The following MELTF variants were observed in gnomAD, a reference collection of about 807,000 sequenced individuals.
MELTF encodes melanotransferrin.
MELTF carries 67 observed loss-of-function variants against 83.7 expected under a neutral mutation model. The observed-to-expected ratio is 0.80, with a 90% CI of 0.66 to 0.98. The LOEUF is 0.98. Ranked by LOEUF, MELTF falls within the 50% of genes least tolerant of loss-of-function variation. MELTF has a pLI of 0.00. For missense variants in MELTF, 1,002 were observed against 1,035.6 expected, an observed-to-expected ratio of 0.97 and a Z score of 0.44; for synonymous variants, 462 against 447.6, an observed-to-expected ratio of 1.03 and a Z score of -0.41.
chr3:197,017,415 A>G, intron 6 of MELTF, 125 bp from the exon 7 acceptor site: 1 of 876,158 alleles, frequency 1.1e-6, no homozygotes, highest in Non-Finnish European at 1.7e-6. Context: ...CAGCATTCAG[A>G]AGGTGGCAGA....
At chr3:197,026,842 G>A in intron 2 of MELTF, 83 bp from the exon 3 acceptor site, 1 of 1,287,396 alleles carries the variant, frequency 7.8e-7, no homozygotes, top group South Asian at 1.2e-5. Context: ...GATGGCCTGG[G>A]GCCCCACCCC....
chr3:197,023,153 C>T, intron 4 of MELTF, 40 bp from the exon 5 acceptor site: 1 of 1,609,504 alleles, frequency 6.2e-7, no homozygotes, highest in Non-Finnish European at 8.5e-7. Context: ...GCAGAACTTT[C>T]TTCAGAGCCA....
Position 197,017,298 on chromosome 3 carries a change from G to A in MELTF, c.713-8C>T. ...AGGAGGGAAGCGTCTTCCCTGGGAA[G>A]CAGGAAGCCTGGGCTGAGCCAGCTC... On this transcript the variant is annotated splice_region_variant and splice_polypyrimidine_tract_variant and intron_variant, in intron 6 of 15. Coordinates refer to ENST00000296350, the MANE Select transcript of MELTF (RefSeq NM_005929.6). 1 of 1,528,790 alleles carries A rather than the reference G, an allele frequency of 6.5e-7. No individual in the cohort carries two copies. The highest frequency in any genetic ancestry group is 8.8e-7 in the Non-Finnish European group (1 of 1,134,782). 94.7% of individuals were successfully genotyped at this position (1,528,790 alleles called of 1,614,324 possible).
chr3:197,024,202 G>A lies in MELTF; in HGVS notation c.487+101C>T. 2.3e-6 allele frequency: 3 copies of A among 1,298,400 alleles called. No individual in the cohort carries two copies. The highest frequency in any genetic ancestry group is 2.1e-6 in the Non-Finnish European group (2 of 944,534). 80.4% of individuals were successfully genotyped at this position (1,298,400 alleles called of 1,614,324 possible). ...CTGCGCCTTCCAGGAATGAAGAATG[G>A]TGGCGAGGCCGGAGGGAGGCTACCC... On this transcript the variant is annotated intron_variant, in intron 4 of 15. Transcript: ENST00000296350. This position sits in a 1 kb window ranked among gnomAD's most constrained non-coding sequence, Gnocchi z 5.3.
chr3:197,017,916 C>CTAAGAGT (rs1719460302), intron 6 of MELTF, among the ~76,000 whole-genome samples: 1 of 152,074 alleles, frequency 6.6e-6, no homozygotes, highest in Non-Finnish European at 1.5e-5. Context: ...GATGAATGTA[C>CTAAGAGT]CAAGAGTCTA....
Position 197,015,496 on chromosome 3 carries a change from AG to A in MELTF, c.1101del (p.Trp368GlyfsTer51). On this transcript the variant is annotated frameshift_variant, in exon 9 of 16. Transcript: ENST00000296350. LOFTEE classifies it high-confidence loss of function. ...ATCTCGGGAGTGGAGAGCACACACCAGCGCAGGTAGGGGGGCAGCCCTGGGG... is the reference window on the plus strand; with the variant it reads ...ATCTCGGGAGTGGAGAGCACACACCACGCAGGTAGGGGGGCAGCCCTGGGG... ...CDPNRLPPYL[R>X]WCVLSTPEIQ... 8.1e-6 allele frequency: 13 copies of A among 1,611,498 alleles called. No individual in the cohort carries two copies. The highest frequency in any genetic ancestry group is 1.1e-5 in the Non-Finnish European group (13 of 1,179,090).
chr3:197,006,411 C>T lies in MELTF; in HGVS notation c.1938+138G>A, dbSNP rs1207761401. On this transcript the variant is annotated intron_variant, in intron 14 of 15. Coordinates refer to ENST00000296350, the MANE Select transcript of MELTF (RefSeq NM_005929.6). The surrounding 1 kb of genome is among the most constrained non-coding windows in gnomAD (Gnocchi z 5.4). ...GACAGTTTCTGGAGGGATGTCCTTG[C>T]GTAAGTGAAAATCACAGAATTTCCC... 5.5e-6 allele frequency: 4 copies of T among 723,182 alleles called. No homozygotes were observed. The highest frequency in any genetic ancestry group is 8.6e-6 in the Non-Finnish European group (4 of 464,910). The allele number at this position is 723,182 out of a possible 1,614,324, so 44.8% of individuals were successfully genotyped here.
rs2148596764 is a variant in MELTF, at chr3:197,029,220, A to C, written c.49+434T>G. ...CACCTCCATCCCTGCATGTGCCAGA[A>C]ACCCCCGGGCGGACTCCCGCGCCTG... On this transcript the variant is annotated intron_variant, in intron 1 of 15. Transcript: ENST00000296350. This position sits in a 1 kb window ranked among gnomAD's most constrained non-coding sequence, Gnocchi z 6.5. The C allele has an allele frequency of 6.4e-6, 1 of 156,676 alleles. No individual in the cohort carries two copies. The highest frequency in any genetic ancestry group is 1.4e-5 in the Non-Finnish European group (1 of 71,218). The allele number at this position is 156,676 out of a possible 1,614,324, so 9.7% of individuals were successfully genotyped here.
intron 8 of MELTF, among the ~76,000 whole-genome samples, chr3:197,015,974 C>T (rs985364941): frequency 3.3e-5 from 5 of 152,144 alleles, no homozygotes; most frequent in East Asian, 1.9e-4. Context: ...CATCCTCCCC[C>T]GCTGCGGCCA....
At chr3:197,009,848 T>G (rs779663440) in intron 10 of MELTF, 36 bp from the exon 11 acceptor site, 13 of 1,582,452 alleles carry the variant, frequency 8.2e-6, no homozygotes, top group Non-Finnish European at 1.7e-6. Flanking sequence ...GGGCCCCTCA[T>G]CTGAGAGCCC....
At chr3:197,009,052 C>T in intron 11 of MELTF, 87 bp from the exon 12 acceptor site, 2 of 1,516,890 alleles carry the variant, frequency 1.3e-6, no homozygotes, top group South Asian at 2.4e-5. Context: ...ACAGGTCTGC[C>T]CACCCCCCGG....
chr3:197,027,744 G>A lies in MELTF; in HGVS notation c.204+12C>T, dbSNP rs368904265. ...CCCTCTTGTCTGGCAGGGTGGAAGG[G>A]AGAGGACTCACCGCGATGAGCTGGA... is the stretch of plus-strand genomic sequence containing the variant. On this transcript the variant is annotated intron_variant, in intron 2 of 15. Coordinates refer to ENST00000296350, the MANE Select transcript of MELTF (RefSeq NM_005929.6). 6.2e-7 allele frequency: 1 copy of A among 1,601,736 alleles called. No individual in the cohort carries two copies. The highest frequency in any genetic ancestry group is 2.2e-5 in the East Asian group (1 of 44,452).
At chr3:197,009,969 A>T (rs1286560497) in intron 10 of MELTF, among the ~76,000 whole-genome samples, 157 bp from the exon 11 acceptor site, 3 of 152,218 alleles carry the variant, frequency 2.0e-5, no homozygotes, top group Non-Finnish European at 2.9e-5. Context: ...TTCTGGGAGC[A>T]GGCCCAGCGG....
intron 6 of MELTF, 147 bp downstream of exon 6, chr3:197,021,257 C>T: frequency 1.5e-6 from 1 of 681,890 alleles, no homozygotes; most frequent in Non-Finnish European, 2.5e-6. Context: ...GGCTCGGAGA[C>T]TGTGGGACTT....
At chr3:197,010,967 C>T (rs2148581009) in intron 9 of MELTF, among the ~76,000 whole-genome samples, 173 bp from the exon 10 acceptor site, 1 of 152,308 alleles carries the variant, frequency 6.6e-6, no homozygotes, top group South Asian at 2.1e-4. Context: ...CCCTTCCTCT[C>T]CTTGTGAAGA....
At chr3:197,028,832 C>G (rs1719966584) in intron 1 of MELTF, 1 of 152,788 alleles carries the variant, frequency 6.5e-6, no homozygotes, top group Non-Finnish European at 1.5e-5. Flanking sequence ...GAAACCAGGT[C>G]ACCCTCCCGT....
At position 197,005,645 on chromosome 3, in the gene MELTF, G is replaced by A. The variant is rs186182156; in HGVS notation, c.1938+904C>T. On this transcript the variant is annotated intron_variant, in intron 14 of 15. Transcript: ENST00000296350. Reference sequence around the variant, plus strand: ...GCTGAGGACCTGGGCATCTGCAGGGGAAGGTGTTTCCAGGAGGAGGGAGAG... The same window carrying A: ...GCTGAGGACCTGGGCATCTGCAGGGAAAGGTGTTTCCAGGAGGAGGGAGAG... Among the ~76,000 whole-genome samples, 111 of 152,348 alleles carry A rather than the reference G, an allele frequency of 7.3e-4. 1 individual carries two copies. The highest frequency in any genetic ancestry group is 8.8e-5 in the Non-Finnish European group (6 of 68,032).
At position 197,029,245 on chromosome 3, in the gene MELTF, G is replaced by C. The variant is rs556071567; in HGVS notation, c.49+409C>G. The stretch of plus-strand genomic sequence containing the variant: ...AACCCCCGGGCGGACTCCCGCGCCT[G>C]CCGGTCAGTCCCTCTGAATCTTCTC... On this transcript the variant is annotated intron_variant, in intron 1 of 15. Transcript: ENST00000296350. The surrounding 1 kb of genome is among the most constrained non-coding windows in gnomAD (Gnocchi z 6.5). 73 of 165,754 alleles carry C rather than the reference G, an allele frequency of 4.4e-4. No homozygotes were observed. Among genetic ancestry groups the C allele is most frequent in the African/African-American group, 1.7e-3 (71 of 42,108 alleles). 10.3% of individuals were successfully genotyped at this position (165,754 alleles called of 1,614,324 possible).
Position 197,009,602 on chromosome 3 carries a change from A to G in MELTF, c.1525+16T>C. On this transcript the variant is annotated intron_variant, in intron 11 of 15. Coordinates refer to ENST00000296350, the MANE Select transcript of MELTF (RefSeq NM_005929.6). Reference sequence around the variant, plus strand: ...GAAGGCTTCCCCAGTCTGCGTTCCTAAAAAGGGGGGGGTACCTGTGAGGAC... The same window carrying G: ...GAAGGCTTCCCCAGTCTGCGTTCCTGAAAAGGGGGGGGTACCTGTGAGGAC... 6.3e-7 allele frequency: 1 copy of G among 1,590,466 alleles called. No homozygotes were observed. Among genetic ancestry groups the G allele is most frequent in the Non-Finnish European group, 8.6e-7 (1 of 1,160,860 alleles).
Sources: gnomAD v4.1 joint callset for allele counts (sites outside exome capture counted in the v4.1 genomes callset) on GRCh38, gnomAD v4.1.1 for gene constraint, Gnocchi (gnomAD v3.1) non-coding constraint, MANE v1.5 for transcripts, NCBI Gene and HGNC (gene_info 2026-07-23, HGNC 2026-07-21) for gene names.